MAPK10: variants seen among roughly 807,000 people sequenced by gnomAD.
The protein encoded by MAPK10 is JNK3 alpha protein kinase.
A neutral mutation model predicts 59.3 loss-of-function variants in MAPK10; 25 were observed. That is an observed-to-expected ratio of 0.42 (90% CI 0.31 to 0.59). The LOEUF is 0.59. MAPK10 is among the 20% of genes least tolerant of loss of function. MAPK10 has a pLI of 0.15. For synonymous variants in MAPK10, 190 were observed against 200.5 expected, an observed-to-expected ratio of 0.95 and a Z score of 0.44; for missense variants, 351 against 568.9, an observed-to-expected ratio of 0.62 and a Z score of 3.90.
At chr4:86,488,728 G>A (rs1754227840) in intron 1 of MAPK10, among the ~76,000 whole-genome samples, 1 of 152,148 alleles carries the variant, frequency 6.6e-6, no homozygotes, top group Non-Finnish European at 1.5e-5. Flanking sequence ...AGTAGACAAA[G>A]ATGATCGGTA....
At chr4:86,436,328 G>A (rs894814236) in intron 1 of MAPK10, among the ~76,000 whole-genome samples, 7 of 152,012 alleles carry the variant, frequency 4.6e-5, no homozygotes, top group South Asian at 2.1e-4. Context: ...TTTTCCAATC[G>A]TAGCACATTT....
Position 86,262,327 on chromosome 4 carries a change from C to T in MAPK10, c.-6-67920G>A, listed in dbSNP as rs576027852. Among the ~76,000 whole-genome samples the T allele has an allele frequency of 1.8e-4, 27 of 152,084 alleles. No homozygotes were observed. The South Asian group carries it at 4.2e-3, about 23-fold the overall frequency. On this transcript the variant is annotated intron_variant, in intron 2 of 13. Transcript: ENST00000641462. Reference sequence around the variant, plus strand: ...TCACCAGATATGGGTCCCTCGACCTCGGATTTCCCAGGCTCCAGTACTATA... The same window carrying T: ...TCACCAGATATGGGTCCCTCGACCTTGGATTTCCCAGGCTCCAGTACTATA...
intron 2 of MAPK10, among the ~76,000 whole-genome samples, chr4:86,320,951 A>G (rs2095876716): frequency 6.8e-6 from 1 of 147,632 alleles, no homozygotes; most frequent in Non-Finnish European, 1.5e-5. Context: ...TCTCAAAAGA[A>G]GACAATTATG....
intron 1 of MAPK10, among the ~76,000 whole-genome samples, chr4:86,475,759 G>A (rs1753035655): frequency 6.6e-6 from 1 of 151,906 alleles, no homozygotes; most frequent in Admixed American, 6.6e-5. Context: ...TTTCTAGGGG[G>A]CAAGAACCCC....
intron 13 of MAPK10, among the ~76,000 whole-genome samples, chr4:86,018,976 G>A (rs1318640311): frequency 2.6e-5 from 4 of 152,192 alleles, no homozygotes; most frequent in Non-Finnish European, 5.9e-5. Flanking sequence ...TCTTGCCTGT[G>A]AGAAAAGTGT....
chr4:86,154,192 C>G (rs1432294804), intron 4 of MAPK10, among the ~76,000 whole-genome samples: 2 of 152,120 alleles, frequency 1.3e-5, no homozygotes, highest in Non-Finnish European at 2.9e-5. Context: ...TCTGGATGAT[C>G]TTACCCATCT....
At chr4:86,583,987 A>G (rs1762486669) in intron 1 of MAPK10, among the ~76,000 whole-genome samples, 2 of 152,152 alleles carry the variant, frequency 1.3e-5, no homozygotes, top group African/African-American at 4.8e-5. Flanking sequence ...GATGTGTTTT[A>G]CTTTTGGTTA....
intron 10 of MAPK10, among the ~76,000 whole-genome samples, chr4:86,067,222 A>T (rs973399894): frequency 6.6e-6 from 1 of 152,038 alleles, no homozygotes; most frequent in Non-Finnish European, 1.5e-5. Flanking sequence ...GCTCACTGCA[A>T]CCTCTTCCTC....
intron 4 of MAPK10, among the ~76,000 whole-genome samples, chr4:86,132,474 T>C (rs1186467459): frequency 6.6e-6 from 1 of 152,306 alleles, no homozygotes; most frequent in East Asian, 1.9e-4. Context: ...TAAGGCTAAG[T>C]CCAACTGATT....
intron 1 of MAPK10, among the ~76,000 whole-genome samples, chr4:86,575,144 CGG>C (rs1761786202): frequency 6.6e-6 from 1 of 152,116 alleles, no homozygotes; most frequent in Non-Finnish European, 1.5e-5. Context: ...CTGTTTGAGC[CGG>C]GACATTGGCC....
At chr4:86,203,737 G>A (rs2083172508) in intron 2 of MAPK10, among the ~76,000 whole-genome samples, 2 of 150,440 alleles carry the variant, frequency 1.3e-5, no homozygotes, top group Admixed American at 1.3e-4. Flanking sequence ...ATGCTTGCAA[G>A]CTGTCATAGA....
intron 9 of MAPK10, among the ~76,000 whole-genome samples, chr4:86,068,587 G>A (rs1370092568): frequency 6.6e-6 from 1 of 151,962 alleles, no homozygotes; most frequent in Non-Finnish European, 1.5e-5. Flanking sequence ...TTGTTTTACT[G>A]ATGATATCAC....
chr4:86,376,294 A>G (rs1739802745), intron 1 of MAPK10, among the ~76,000 whole-genome samples: 1 of 152,236 alleles, frequency 6.6e-6, no homozygotes, highest in African/African-American at 2.4e-5. Flanking sequence ...AGCCTAAGTA[A>G]GTCCTTATTT....
At chr4:86,491,086 G>A (rs1388805254) in intron 1 of MAPK10, among the ~76,000 whole-genome samples, 4 of 152,176 alleles carry the variant, frequency 2.6e-5, no homozygotes, top group East Asian at 3.8e-4. Flanking sequence ...TGGATTCTTG[G>A]CTATCCCATG....
intron 1 of MAPK10, among the ~76,000 whole-genome samples, chr4:86,547,128 A>G (rs1351187835): frequency 1.3e-5 from 2 of 152,138 alleles, no homozygotes; most frequent in African/African-American, 4.8e-5. Context: ...CTGCTTTTCT[A>G]TGAGTGATAG....
chr4:86,199,723 A>G (rs1049147178), intron 2 of MAPK10, among the ~76,000 whole-genome samples: 1 of 152,046 alleles, frequency 6.6e-6, no homozygotes, highest in Non-Finnish European at 1.5e-5. Flanking sequence ...TATGAAACAT[A>G]TATTATTGGA....
intron 9 of MAPK10, among the ~76,000 whole-genome samples, chr4:86,078,993 C>A (rs1283209720): frequency 1.3e-5 from 2 of 151,434 alleles, no homozygotes; most frequent in Non-Finnish European, 2.9e-5. Context: ...TTGTCCCCCA[C>A]CCCCCCAAAA....
intron 9 of MAPK10, among the ~76,000 whole-genome samples, chr4:86,094,000 CTG>C (rs571683426): frequency 6.1e-4 from 93 of 151,914 alleles, no homozygotes; most frequent in African/African-American, 2.1e-3. Context: ...TGAAATAACT[CTG>C]TATTGTCTTA....
intron 4 of MAPK10, among the ~76,000 whole-genome samples, chr4:86,152,846 T>C (rs2066822909): frequency 6.6e-6 from 1 of 152,230 alleles, no homozygotes; most frequent in African/African-American, 2.4e-5. Flanking sequence ...TAAATGAGAA[T>C]GCTTCCCAGA....
Sources: gnomAD v4.1 joint callset for allele counts (sites outside exome capture counted in the v4.1 genomes callset) on GRCh38, gnomAD v4.1.1 for gene constraint, MANE v1.5 for transcripts, NCBI Gene and HGNC (gene_info 2026-07-23, HGNC 2026-07-21) for gene names.